The following HEMK2 variants were observed in gnomAD, a reference collection of about 807,000 sequenced individuals.
The protein encoded by HEMK2 is methyltransferase HEMK2.
At chr21:28,781,285 C>T in the HEMK2 span, among the ~76,000 whole-genome samples, 42 of 152,306 alleles carry the variant, frequency 2.8e-4, no homozygotes, top group South Asian at 1.2e-3. Context: ...GCTTTGTATG[C>T]TTCTGTTCTA....
chr21:28,615,378 C>G, the HEMK2 span, among the ~76,000 whole-genome samples: 2 of 151,444 alleles, frequency 1.3e-5, no homozygotes, highest in African/African-American at 4.9e-5. Flanking sequence ...TTTCCTCTCT[C>G]TGTCTCTCTG....
At chr21:28,677,574 G>C in the HEMK2 span, among the ~76,000 whole-genome samples, 5 of 152,240 alleles carry the variant, frequency 3.3e-5, no homozygotes, top group East Asian at 9.6e-4. Context: ...CGCAGCTGGA[G>C]ATCTGAGAAC....
chr21:28,665,218 C>T, the HEMK2 span, among the ~76,000 whole-genome samples: 11 of 151,072 alleles, frequency 7.3e-5, no homozygotes, highest in East Asian at 1.9e-4. Context: ...TGTGGTGAGA[C>T]GTCGCGATCT....
chr21:28,718,132 T>C, the HEMK2 span, among the ~76,000 whole-genome samples: 1 of 152,224 alleles, frequency 6.6e-6, no homozygotes, highest in African/African-American at 2.4e-5. Context: ...TCTGTTTTCA[T>C]TTATTTCAAA....
At chr21:28,752,113 G>C in the HEMK2 span, among the ~76,000 whole-genome samples, 1 of 152,184 alleles carries the variant, frequency 6.6e-6, no homozygotes, top group African/African-American at 2.4e-5. Flanking sequence ...TAAAATTAAA[G>C]TATCATGTGA....
At chr21:28,841,351 A>ATTAT in the HEMK2 span, among the ~76,000 whole-genome samples, 2 of 16,926 alleles carry the variant, frequency 1.2e-4, no homozygotes, top group East Asian at 0.015. Context: ...TATATATATA[A>ATTAT]ATATTATATA....
the HEMK2 span, among the ~76,000 whole-genome samples, chr21:28,883,280 A>G: frequency 1.2e-4 from 19 of 152,326 alleles, no homozygotes; most frequent in Middle Eastern, 3.4e-3. Flanking sequence ...GGTACGTAAT[A>G]TAAGTCCATA....
the HEMK2 span, among the ~76,000 whole-genome samples, chr21:28,881,699 A>G: frequency 7.0e-6 from 1 of 143,812 alleles, no homozygotes; most frequent in Non-Finnish European, 1.5e-5. Flanking sequence ...TGGCACGATC[A>G]TGGCTCAAGG....
the HEMK2 span, chr21:28,885,072 G>A: frequency 1.6e-6 from 2 of 1,253,046 alleles, no homozygotes; most frequent in Non-Finnish European, 1.1e-6. Flanking sequence ...CAATTACGGC[G>A]TCCTGGCTGT....
the HEMK2 span, among the ~76,000 whole-genome samples, chr21:28,870,183 T>C: frequency 6.6e-6 from 1 of 151,440 alleles, no homozygotes; most frequent in Non-Finnish European, 1.5e-5. Context: ...AGAGTTTTGT[T>C]GTAGACACAG....
chr21:28,750,743 T>C, the HEMK2 span, among the ~76,000 whole-genome samples: 1 of 147,600 alleles, frequency 6.8e-6, no homozygotes, highest in East Asian at 2.0e-4. Context: ...CTCAGAGAAG[T>C]TAAGCAATAT....
chr21:28,617,321 T>C, the HEMK2 span, among the ~76,000 whole-genome samples: 1 of 152,252 alleles, frequency 6.6e-6, no homozygotes, highest in South Asian at 2.1e-4. Flanking sequence ...CAGTGCAAAA[T>C]GAGACTGGAG....
the HEMK2 span, among the ~76,000 whole-genome samples, chr21:28,637,880 T>C: frequency 6.6e-6 from 1 of 152,162 alleles, no homozygotes. Flanking sequence ...TTTGAATCCA[T>C]AAAGTATATC....
chr21:28,719,917 C>A, the HEMK2 span, among the ~76,000 whole-genome samples: 86,037 of 152,104 alleles, frequency 0.57, 27,333 homozygotes, highest in African/African-American at 0.85. Flanking sequence ...GAGTCACTTG[C>A]CACATATATT....
chr21:28,821,506 G>A, the HEMK2 span, among the ~76,000 whole-genome samples: 1 of 152,192 alleles, frequency 6.6e-6, no homozygotes, highest in African/African-American at 2.4e-5. Flanking sequence ...AATTTGGAAG[G>A]AGGAATAACA....
chr21:28,832,410 A>G, the HEMK2 span, among the ~76,000 whole-genome samples: 54 of 152,304 alleles, frequency 3.5e-4, no homozygotes, highest in African/African-American at 1.3e-3. Flanking sequence ...AGTCTCCATT[A>G]CCATTGATGT....
At chr21:28,667,462 C>A in the HEMK2 span, among the ~76,000 whole-genome samples, 2 of 152,056 alleles carry the variant, frequency 1.3e-5, no homozygotes, top group African/African-American at 2.4e-5. Flanking sequence ...GTCCTTCACT[C>A]TCAAGAATGT....
At chr21:28,844,631 G>C in the HEMK2 span, among the ~76,000 whole-genome samples, 9 of 152,030 alleles carry the variant, frequency 5.9e-5, no homozygotes, top group African/African-American at 2.2e-4. Flanking sequence ...AATAGATGTT[G>C]GCAAATGGCT....
the HEMK2 span, among the ~76,000 whole-genome samples, chr21:28,624,145 T>C: frequency 1.3e-5 from 2 of 152,310 alleles, no homozygotes; most frequent in Non-Finnish European, 2.9e-5. Flanking sequence ...CTGGAATGTA[T>C]GAGCCATTTT....
Sources: allele counts gnomAD v4.1 joint callset (sites outside exome capture counted in the v4.1 genomes callset), GRCh38; gene constraint gnomAD v4.1.1; transcripts MANE v1.5; gene names NCBI Gene and HGNC (gene_info 2026-07-23, HGNC 2026-07-21).